ACADSB: variants seen among roughly 807,000 people sequenced by gnomAD.
The protein encoded by ACADSB is acyl-CoA dehydrogenase short/branched chain.
Under a neutral mutation model 54.1 loss-of-function variants are expected in ACADSB, and 40 were observed. That is an observed-to-expected ratio of 0.74 (90% CI 0.57 to 0.96). ACADSB has a LOEUF of 0.96. Among genes scored for constraint, ACADSB ranks in the 40% least tolerant of loss-of-function variants. The probability of loss-of-function intolerance (pLI) is 0.00; values close to 1 mark genes in which losing one functional copy is unlikely to be tolerated. For synonymous variants in ACADSB, 182 were observed against 182.8 expected (o/e 1.00, Z 0.03); for missense variants, 530 against 510.4 (o/e 1.04, Z -0.37).
In ACADSB at chr10:123,013,604, C is replaced by T. The variant is rs953947261; in HGVS notation, c.42+4533C>T. 7.2e-5 allele frequency among the ~76,000 whole-genome samples: 11 copies of T among 152,324 alleles called. 1 individual carries two copies. The highest frequency in any genetic ancestry group is 3.9e-4 in the East Asian group (2 of 5,180). On this transcript the variant is annotated intron_variant, in intron 1 of 10. Coordinates refer to ENST00000358776, the MANE Select transcript of ACADSB (RefSeq NM_001609.4). ...CCGTGCAGGAGCCCACTGGCGGTGG[C>T]GGGGAGACTCAGGCATGGTGGGCTG...
chr10:123,025,430 C>A (rs1029037314), intron 1 of ACADSB, among the ~76,000 whole-genome samples: 1 of 151,940 alleles, frequency 6.6e-6, no homozygotes, highest in Non-Finnish European at 1.5e-5. Flanking sequence ...CATCACTGCA[C>A]TCCAGCCTGG....
chr10:123,023,454 A>G (rs976208126), intron 1 of ACADSB, among the ~76,000 whole-genome samples: 1 of 152,218 alleles, frequency 6.6e-6, no homozygotes, highest in Non-Finnish European at 1.5e-5. Flanking sequence ...GTAAGTATAC[A>G]TACAAATAAA....
At position 123,051,050 on chromosome 10, in the gene ACADSB, G is replaced by A. The variant is rs762963935; in HGVS notation, c.992G>A (p.Gly331Asp). Residue 331 changes from glycine to aspartate, a missense_variant and splice_region_variant, in exon 9 of 11, where the codon GGC becomes GAC. Transcript: ENST00000358776. ...CTAACTTGGGCCTGACTGTTACAGG[G>A]CCTCCAACACCAAGTGGCTCACGTG... ...QFGKRLFDFQ[G>D]LQHQVAHVAT... 6.2e-7 allele frequency: 1 copy of A among 1,611,810 alleles called. No homozygotes were observed. The highest frequency in any genetic ancestry group is 2.2e-5 in the East Asian group (1 of 44,846).
intron 5 of ACADSB, among the ~76,000 whole-genome samples, chr10:123,042,706 C>T (rs1448205365): frequency 6.6e-6 from 1 of 151,958 alleles, no homozygotes; most frequent in Admixed American, 6.6e-5. Context: ...ACTCAGCCTC[C>T]GAAAGTGCTG....
At chr10:123,033,265 C>T (rs1452148917) in intron 1 of ACADSB, among the ~76,000 whole-genome samples, 3 of 152,104 alleles carry the variant, frequency 2.0e-5, no homozygotes, top group East Asian at 1.9e-4. Flanking sequence ...TTCTTGTTCC[C>T]GGGTGAATCC....
At chr10:123,045,171 A>ATATATTTTATTT (rs1850544144) in intron 7 of ACADSB, among the ~76,000 whole-genome samples, 2 of 15,372 alleles carry the variant, frequency 1.3e-4, no homozygotes, top group Non-Finnish European at 2.1e-4. Flanking sequence ...ATATATATAT[A>ATATATTTTATTT]TTTTTTTTTT....
In ACADSB at chr10:123,053,797, C is replaced by T. The variant is rs1850666607; in HGVS notation, c.*32C>T. 1 of 1,585,164 alleles carries T rather than the reference C, an allele frequency of 6.3e-7. No individual in the cohort carries two copies. Among genetic ancestry groups the T allele is most frequent in the Non-Finnish European group, 8.7e-7 (1 of 1,153,814 alleles). ...TAGGAGTGGGACCCCTCCCTGGTGT[C>T]ACTGCTGTAAAATTTTAAACGGTTG... On this transcript the variant is annotated 3_prime_UTR_variant, in exon 11 of 11. Transcript: ENST00000358776.
intron 1 of ACADSB, among the ~76,000 whole-genome samples, chr10:123,025,292 G>GCAACAA (rs1379503197): frequency 1.3e-5 from 2 of 151,434 alleles, no homozygotes; most frequent in African/African-American, 2.4e-5. Context: ...CCTCGTCTCT[G>GCAACAA]CAACAACAAG....
intron 1 of ACADSB, among the ~76,000 whole-genome samples, chr10:123,030,744 G>C (rs1428932962): frequency 7.2e-6 from 1 of 138,222 alleles, no homozygotes; most frequent in Non-Finnish European, 1.6e-5. Context: ...GCATAGCGGA[G>C]GAAGGGAACT....
intron 4 of ACADSB, 75 bp from the exon 5 acceptor site, chr10:123,041,134 A>G: frequency 4.0e-6 from 6 of 1,493,118 alleles, no homozygotes; most frequent in Non-Finnish European, 9.3e-7. Context: ...ACAAATGTCC[A>G]TTTTTCCATA....
Position 123,043,132 on chromosome 10 carries a change from A to T in ACADSB, c.768A>T (p.Arg256Ser). The change falls in exon 6 of 11, where the codon AGA becomes AGT. Residue 256 changes from arginine to serine, a missense_variant. Arg to Ser is a moderately radical substitution (Grantham distance 110). Transcript: ENST00000358776. ...IGKPENKLGLRASSTCPLTFE... is the reference protein window; with the variant it reads ...IGKPENKLGLSASSTCPLTFE... ...AACCTGAAAACAAATTGGGGCTCAG[A>T]GCTTCTTCCACCTGCCCGTTAACAT... 2 of 1,614,028 alleles carry T rather than the reference A, an allele frequency of 1.2e-6. No individual in the cohort carries two copies. Among genetic ancestry groups the T allele is most frequent in the Non-Finnish European group, 1.7e-6 (2 of 1,179,914 alleles).
chr10:123,009,054 C>T lies in ACADSB; in HGVS notation c.25C>T (p.Leu9=), dbSNP rs1436730404. The T allele has an allele frequency of 6.5e-7, 1 of 1,547,840 alleles. No individual in the cohort carries two copies. The highest frequency in any genetic ancestry group is 2.0e-5 in the Admixed American group (1 of 50,998). Reference sequence around the variant, plus strand: ...GATGGAGGGCCTGGCAGTGCGGTTGCTGCGCGGCAGCAGGCTGGTGAGTGC... The same window carrying T: ...GATGGAGGGCCTGGCAGTGCGGTTGTTGCGCGGCAGCAGGCTGGTGAGTGC... The part of the protein sequence containing the change: MEGLAVRL[L]RGSRLLRRNF... The change falls in exon 1 of 11, where the codon CTG becomes TTG. Residue 9 remains leucine (L), a synonymous_variant. Coordinates refer to ENST00000358776, the MANE Select transcript of ACADSB (RefSeq NM_001609.4).
At chr10:123,032,222 A>T (rs1255498600) in intron 1 of ACADSB, among the ~76,000 whole-genome samples, 1 of 151,698 alleles carries the variant, frequency 6.6e-6, no homozygotes. Flanking sequence ...CTATTGATCC[A>T]CCTGCCTCGG....
chr10:123,031,435 T>C (rs1850325457), intron 1 of ACADSB, among the ~76,000 whole-genome samples: 1 of 152,186 alleles, frequency 6.6e-6, no homozygotes, highest in South Asian at 2.1e-4. Flanking sequence ...CAATTGCTGT[T>C]CTATACAAAA....
Position 123,055,056 on chromosome 10 carries a change from T to C in ACADSB, c.*1291T>C, listed in dbSNP as rs1284095731. ...ATTCAATATTAAAATAGTTTTATAT[T>C]TGGGAAGGCAAAAATGAATCTATTG... On this transcript the variant is annotated 3_prime_UTR_variant, in exon 11 of 11. Transcript: ENST00000358776. 1 of 152,318 alleles carries C rather than the reference T, an allele frequency of 6.6e-6. No homozygotes were observed. Among genetic ancestry groups the C allele is most frequent in the Non-Finnish European group, 1.5e-5 (1 of 68,144 alleles). The allele number at this position is 152,318 out of a possible 1,614,324, so 9.4% of individuals were successfully genotyped here. A position where few individuals can be genotyped will look rare whatever the true frequency, so the allele number is the denominator to read the frequency against.
At chr10:123,030,767 T>TTACTAAC (rs3980945) in intron 1 of ACADSB, among the ~76,000 whole-genome samples, 74,571 of 151,736 alleles carry the variant, frequency 0.49, 19,618 homozygotes, top group Non-Finnish European at 0.61. Context: ...CTCAATTCTT[T>TTACTAAC]TGGGTTTCAC....
intron 1 of ACADSB, among the ~76,000 whole-genome samples, chr10:123,022,388 T>C (rs1363496991): frequency 6.6e-6 from 1 of 152,206 alleles, no homozygotes; most frequent in Non-Finnish European, 1.5e-5. Context: ...AGCCACTGCA[T>C]TGGACAATCT....
intron 1 of ACADSB, among the ~76,000 whole-genome samples, chr10:123,027,367 A>G (rs1177240329): frequency 1.3e-5 from 2 of 152,200 alleles, no homozygotes; most frequent in African/African-American, 4.8e-5. Flanking sequence ...CTTGAATTGT[A>G]TCTGCTAGAA....
At chr10:123,038,630 C>T (rs1850431640) in intron 3 of ACADSB, among the ~76,000 whole-genome samples, 2 of 152,196 alleles carry the variant, frequency 1.3e-5, no homozygotes, top group African/African-American at 4.8e-5. Flanking sequence ...CAAGTGGCTG[C>T]TATTCAGAGC....
Sources: gnomAD v4.1 joint callset for allele counts (sites outside exome capture counted in the v4.1 genomes callset) on GRCh38, gnomAD v4.1.1 for gene constraint, MANE v1.5 for transcripts, NCBI Gene and HGNC (gene_info 2026-07-23, HGNC 2026-07-21) for gene names.